Variants in ARID5B observed in about 807,000 individuals in gnomAD.
The protein encoded by ARID5B is AT-rich interactive domain-containing protein 5B.
In ARID5B, 13 loss-of-function variants were observed where a neutral mutation model predicts 97.2. The observed-to-expected ratio is 0.13, with a 90% CI of 0.09 to 0.21. The LOEUF is 0.21. ARID5B is among the 10% of genes least tolerant of loss of function. The probability of loss-of-function intolerance (pLI) is 1.00; values close to 1 mark genes in which losing one functional copy is unlikely to be tolerated. For synonymous variants in ARID5B, 556 were observed against 570.3 expected, an observed-to-expected ratio of 0.97 and a Z score of 0.36; for missense variants, 1,210 against 1,465.3, an observed-to-expected ratio of 0.83 and a Z score of 2.84.
At chr10:61,927,106 G>A (rs909756107) in intron 2 of ARID5B, among the ~76,000 whole-genome samples, 1 of 152,128 alleles carries the variant, frequency 6.6e-6, no homozygotes, top group Non-Finnish European at 1.5e-5. Context: ...AGAAGAGTTA[G>A]GAACATGCAC....
intron 6 of ARID5B, among the ~76,000 whole-genome samples, chr10:62,058,485 G>A (rs1323520460): frequency 2.0e-5 from 3 of 152,136 alleles, no homozygotes; most frequent in Non-Finnish European, 4.4e-5. Context: ...CATGGTGTTT[G>A]GTATAAATGA....
rs1249491331 is a variant in ARID5B, at chr10:62,093,368, A to G, written c.*338A>G. On this transcript the variant is annotated 3_prime_UTR_variant, in exon 10 of 10. Transcript: ENST00000279873. The stretch of plus-strand genomic sequence containing the variant: ...TCTGAGTTCGGATGGTCAGGAAACA[A>G]TCTGGGCAAAAAAGAGGCAGGCATT... 5 of 279,282 alleles carry G rather than the reference A, an allele frequency of 1.8e-5. No individual in the cohort carries two copies. The East Asian group carries it at 2.7e-4, about 15-fold the overall frequency. 17.3% of individuals were successfully genotyped at this position (279,282 alleles called of 1,614,324 possible). A position where few individuals can be genotyped will look rare whatever the true frequency, so the allele number is the denominator to read the frequency against.
chr10:62,035,406 G>A (rs769461362), intron 4 of ARID5B, among the ~76,000 whole-genome samples: 3 of 150,692 alleles, frequency 2.0e-5, no homozygotes, highest in Non-Finnish European at 4.4e-5. Flanking sequence ...TCTTTAGACT[G>A]TGGTAAGGTA....
At position 62,002,416 on chromosome 10, in the gene ARID5B, C is replaced by A. The variant is rs147079817; in HGVS notation, c.733+2095C>A. 3.3e-5 allele frequency among the ~76,000 whole-genome samples: 5 copies of A among 152,226 alleles called. No individual in the cohort carries two copies. The East Asian group carries it at 5.8e-4, about 18-fold the overall frequency. Reference sequence around the variant, plus strand: ...TTTGGAATAAAGGTACCTTTAGAGACCTTCTAGATGGCTAGTTTAATAATT... The same window carrying A: ...TTTGGAATAAAGGTACCTTTAGAGAACTTCTAGATGGCTAGTTTAATAATT... On this transcript the variant is annotated intron_variant, in intron 4 of 9. Transcript: ENST00000279873.
intron 4 of ARID5B, among the ~76,000 whole-genome samples, chr10:62,005,098 C>T (rs575561366): frequency 6.8e-4 from 104 of 152,288 alleles, no homozygotes; most frequent in Non-Finnish European, 1.3e-3. Context: ...GCTGTTTGGT[C>T]CATGTGTAGA....
At chr10:61,929,875 T>C (rs1299500520) in intron 2 of ARID5B, among the ~76,000 whole-genome samples, 1 of 152,242 alleles carries the variant, frequency 6.6e-6, no homozygotes, top group East Asian at 1.9e-4. Context: ...ATAGATATTA[T>C]GGAGAGGTTA....
rs192737506 is a variant in ARID5B at position 62,005,904 on chromosome 10, G to A, written c.733+5583G>A. ...AGGTTTCATGGTCACAGTGGATTTC[G>A]ATGACCAAATGGCTTTGTTCCTGGC... On this transcript the variant is annotated intron_variant, in intron 4 of 9. Coordinates refer to ENST00000279873, the MANE Select transcript of ARID5B (RefSeq NM_032199.3). Among the ~76,000 whole-genome samples, 31 of 152,224 alleles carry A rather than the reference G, an allele frequency of 2.0e-4. No homozygotes were observed. In the South Asian group the frequency reaches 3.1e-3, roughly 15 times the overall value.
intron 5 of ARID5B, among the ~76,000 whole-genome samples, 154 bp from the exon 6 acceptor site, chr10:62,056,963 G>T (rs942878761): frequency 6.6e-6 from 1 of 152,156 alleles, no homozygotes; most frequent in African/African-American, 2.4e-5. Flanking sequence ...TTCATCTTCA[G>T]TGATGCCTCT....
At chr10:61,947,332 G>A (rs1429200294) in intron 3 of ARID5B, among the ~76,000 whole-genome samples, 1 of 148,902 alleles carries the variant, frequency 6.7e-6, no homozygotes, top group East Asian at 2.0e-4. Flanking sequence ...GCAGTGGTGC[G>A]ATCTTGGCTC....
intron 3 of ARID5B, among the ~76,000 whole-genome samples, chr10:61,942,824 G>T (rs532313361): frequency 6.6e-6 from 1 of 152,000 alleles, no homozygotes; most frequent in Non-Finnish European, 1.5e-5. Flanking sequence ...AACAAAAAAG[G>T]CTTTTAGGTT....
chr10:61,916,796 G>A (rs1217908176), intron 2 of ARID5B, among the ~76,000 whole-genome samples: 4 of 152,206 alleles, frequency 2.6e-5, no homozygotes, highest in Admixed American at 2.0e-4. Context: ...CGCAACAGCT[G>A]TATCCGTCTT....
chr10:61,974,230 C>T (rs1016609571), intron 3 of ARID5B, among the ~76,000 whole-genome samples: 2 of 152,184 alleles, frequency 1.3e-5, no homozygotes, highest in African/African-American at 4.8e-5. Flanking sequence ...ACAAATAACG[C>T]AAAGTGATTA....
At chr10:61,922,529 G>C (rs532233513) in intron 2 of ARID5B, among the ~76,000 whole-genome samples, 1 of 152,314 alleles carries the variant, frequency 6.6e-6, no homozygotes, top group South Asian at 2.1e-4. Flanking sequence ...CTTGAACCCG[G>C]GAGGTGGAGG....
intron 8 of ARID5B, among the ~76,000 whole-genome samples, chr10:62,072,760 C>G (rs768814613): frequency 2.0e-4 from 31 of 152,236 alleles, no homozygotes; most frequent in Non-Finnish European, 3.4e-4. Context: ...CAGTGCCTCT[C>G]TCAATGTTCA....
Position 61,916,270 on chromosome 10 carries a change from T to A in ARID5B, c.276+13857T>A, listed in dbSNP as rs55876154. 6.4e-3 allele frequency among the ~76,000 whole-genome samples: 980 copies of A among 152,310 alleles called. 4 individuals carry two copies. Among genetic ancestry groups the A allele is most frequent in the Middle Eastern group, 0.02 (6 of 294 alleles). On this transcript the variant is annotated intron_variant, in intron 2 of 9. Coordinates refer to ENST00000279873, the MANE Select transcript of ARID5B (RefSeq NM_032199.3). ...TGGGGTTTTGCCATGTTGGCCAGGC[T>A]GGACTACCTGTTTCTGTAAATAAAG...
chr10:62,014,190 A>G (rs549917436), intron 4 of ARID5B, among the ~76,000 whole-genome samples: 1 of 152,344 alleles, frequency 6.6e-6, no homozygotes, highest in Admixed American at 6.5e-5. Context: ...ACTGTTTCCC[A>G]TAATGGCTGT....
At chr10:62,010,338 T>C (rs1167990578) in intron 4 of ARID5B, among the ~76,000 whole-genome samples, 3 of 152,254 alleles carry the variant, frequency 2.0e-5, no homozygotes, top group Non-Finnish European at 4.4e-5. Context: ...CTCAGTACTT[T>C]TTCAAAGATG....
chr10:61,952,544 A>G (rs1838337594), intron 3 of ARID5B, among the ~76,000 whole-genome samples: 1 of 152,228 alleles, frequency 6.6e-6, no homozygotes, highest in African/African-American at 2.4e-5. Flanking sequence ...TGCGGCTTTT[A>G]TGATCAGACT....
At chr10:62,051,621 T>C (rs1399737642) in intron 5 of ARID5B, among the ~76,000 whole-genome samples, 60 of 152,252 alleles carry the variant, frequency 3.9e-4, no homozygotes, top group Admixed American at 3.9e-3. Flanking sequence ...GTCAATTTTT[T>C]ACCTAAGCAT....
Sources: gnomAD v4.1 joint callset for allele counts (sites outside exome capture counted in the v4.1 genomes callset) on GRCh38, gnomAD v4.1.1 for gene constraint, MANE v1.5 for transcripts, NCBI Gene and HGNC (gene_info 2026-07-23, HGNC 2026-07-21) for gene names.